Variants in TET3 observed in about 807,000 individuals in gnomAD.
TET3 encodes the protein methylcytosine dioxygenase TET3.
TET3 carries 19 observed loss-of-function variants against 141.4 expected under a neutral mutation model. That is an observed-to-expected ratio of 0.13 (90% CI 0.09 to 0.20). The LOEUF is 0.20. Ranked by LOEUF, TET3 falls within the 10% of genes least tolerant of loss-of-function variation. The pLI, the probability that TET3 is intolerant of heterozygous loss-of-function variation, is 1.00. For synonymous variants in TET3, 1,043 were observed against 980.9 expected, an observed-to-expected ratio of 1.06 and a Z score of -1.18; for missense variants, 1,874 against 2,356.9, an observed-to-expected ratio of 0.80 and a Z score of 4.24.
At chr2:74,075,862 A>G (rs1019506732) in intron 5 of TET3, among the ~76,000 whole-genome samples, 3 of 152,120 alleles carry the variant, frequency 2.0e-5, no homozygotes, top group African/African-American at 7.2e-5. Flanking sequence ...AGCTGTGTGC[A>G]GTGTTGTCGT....
chr2:74,024,743 T>C (rs1012000199), intron 3 of TET3, among the ~76,000 whole-genome samples: 4 of 152,186 alleles, frequency 2.6e-5, no homozygotes, highest in African/African-American at 9.6e-5. Flanking sequence ...AAGCCATAGA[T>C]ACCATACAGT....
chr2:74,038,423 G>C (rs115820927), intron 3 of TET3, among the ~76,000 whole-genome samples: 1 of 152,182 alleles, frequency 6.6e-6, no homozygotes, highest in East Asian at 1.9e-4. Flanking sequence ...CAGTGATATT[G>C]TGAAGCAGGG....
At chr2:74,122,546 C>T in the TET3 span, 1 of 92,420 alleles carries the variant, frequency 1.1e-5, no homozygotes, top group Middle Eastern at 0.013. Context: ...GATAGTCTTG[C>T]TCTGTTACCC....
chr2:74,031,138 G>T (rs868580086), intron 3 of TET3, among the ~76,000 whole-genome samples: 1 of 152,080 alleles, frequency 6.6e-6, no homozygotes, highest in Non-Finnish European at 1.5e-5. Context: ...GAGCGGTGGG[G>T]CCTTGATTGG....
intron 3 of TET3, among the ~76,000 whole-genome samples, chr2:74,007,726 G>C (rs1025329856): frequency 6.6e-6 from 1 of 152,212 alleles, no homozygotes; most frequent in African/African-American, 2.4e-5. Flanking sequence ...TTGGACTTCA[G>C]CTTTCTGGGT....
At position 74,104,317 on chromosome 2, in the gene TET3, C is replaced by A. The variant is rs907654498; in HGVS notation, c.*2141C>A. On this transcript the variant is annotated 3_prime_UTR_variant, in exon 12 of 12. Transcript: ENST00000409262. ...ATAAATACCCAAGAGCTTATCAGGACTTAGAATTATTCAGAACTCAGATTT... is the reference window on the plus strand; with the variant it reads ...ATAAATACCCAAGAGCTTATCAGGAATTAGAATTATTCAGAACTCAGATTT... The A allele has an allele frequency of 1.7e-4, 26 of 152,104 alleles. No homozygotes were observed. The highest frequency in any genetic ancestry group is 6.0e-4 in the African/African-American group (25 of 41,394). The allele number at this position is 152,104 out of a possible 1,614,324, so 9.4% of individuals were successfully genotyped here.
intron 10 of TET3, among the ~76,000 whole-genome samples, chr2:74,095,566 C>T (rs1287181580): frequency 1.3e-5 from 2 of 152,232 alleles, no homozygotes; most frequent in African/African-American, 4.8e-5. Context: ...GATGACCATC[C>T]ATTCAGACAC....
intron 3 of TET3, among the ~76,000 whole-genome samples, chr2:74,032,792 C>A (rs1218185863): frequency 6.6e-6 from 1 of 152,152 alleles, no homozygotes; most frequent in Admixed American, 6.5e-5. Flanking sequence ...CCTTCACCCC[C>A]ACCTGCTGCA....
At chr2:74,129,669 C>G in the TET3 span, among the ~76,000 whole-genome samples, 1 of 151,966 alleles carries the variant, frequency 6.6e-6, no homozygotes, top group African/African-American at 2.4e-5. Context: ...AAGGGCATTA[C>G]TTGAACATCA....
At chr2:74,061,594 G>T (rs1157663789) in intron 4 of TET3, among the ~76,000 whole-genome samples, 2 of 149,400 alleles carry the variant, frequency 1.3e-5, no homozygotes, top group African/African-American at 4.9e-5. Context: ...CGGGCGGGGG[G>T]CTGACCCCCC....
intron 2 of TET3, among the ~76,000 whole-genome samples, chr2:73,992,554 T>C (rs1268825360): frequency 1.3e-4 from 20 of 152,164 alleles, no homozygotes; most frequent in Admixed American, 1.3e-3. Context: ...CCTCAGGTGA[T>C]CTGCCCACCT....
In TET3 at chr2:74,100,629, C is replaced by T. The variant is rs1410097497; in HGVS notation, c.3841C>T (p.Leu1281Phe). 6.2e-7 allele frequency: 1 copy of T among 1,614,068 alleles called. No individual in the cohort carries two copies. Residue 1281 changes from leucine (L) to phenylalanine (F), a missense_variant, in exon 12 of 12, where the codon CTC becomes TTC. Physicochemically the swap from Leu to Phe is conservative, Grantham distance 22. Around this residue, in one of 10 missense-constraint regions of TET3, gnomAD observed 602 missense variants for 590.2 expected, o/e 1.02. Coordinates refer to ENST00000409262, the MANE Select transcript of TET3 (RefSeq NM_001287491.2). The part of the protein sequence containing the change: ...SVNGFHSKYA[L>F]PSFSYYGFPS... ...CAATGGCTTCCACTCCAAGTACGCT[C>T]TCCCGTCTTTTAGCTACTATGGCTT...
intron 3 of TET3, among the ~76,000 whole-genome samples, chr2:74,025,085 G>A (rs901809227): frequency 1.3e-5 from 2 of 151,376 alleles, no homozygotes; most frequent in East Asian, 2.0e-4. Context: ...TTAGCCGGGC[G>A]TGGTGGCGGG....
At chr2:74,011,993 C>G (rs1276314436) in intron 3 of TET3, among the ~76,000 whole-genome samples, 2 of 152,160 alleles carry the variant, frequency 1.3e-5, no homozygotes, top group African/African-American at 2.4e-5. Flanking sequence ...CAGGGTCTGG[C>G]CCTGCCGCCC....
chr2:74,058,981 T>C (rs575380459), intron 4 of TET3, among the ~76,000 whole-genome samples: 15 of 152,358 alleles, frequency 9.8e-5, no homozygotes, highest in Admixed American at 4.6e-4. Context: ...ATAGCCACTT[T>C]TGCACTACAG....
chr2:74,066,960 T>C (rs1688937588), intron 4 of TET3, among the ~76,000 whole-genome samples: 1 of 152,184 alleles, frequency 6.6e-6, no homozygotes, highest in Admixed American at 6.5e-5. Context: ...CTCCAGACAA[T>C]AGCAACTGGA....
chr2:74,074,350 A>C (rs964525733), intron 5 of TET3, among the ~76,000 whole-genome samples: 5 of 152,222 alleles, frequency 3.3e-5, no homozygotes, highest in Admixed American at 6.5e-5. Context: ...CTTATGTAGA[A>C]AGAGCTATGT....
In TET3 at chr2:74,046,342, AC is replaced by A; in HGVS notation, c.427del (p.His143MetfsTer7). On this transcript the variant is annotated frameshift_variant, in exon 4 of 12. Coordinates refer to ENST00000409262, the MANE Select transcript of TET3 (RefSeq NM_001287491.2). LOFTEE classifies it high-confidence loss of function. This position sits in a 1 kb window ranked among gnomAD's most constrained non-coding sequence, Gnocchi z 4.3. Reference sequence around the variant, plus strand: ...GGTCAGATGGACTCAGGGCCAGTGTACCATGGGGACTCACGGCAGCTAAGCG... The same window carrying A: ...GGTCAGATGGACTCAGGGCCAGTGTACATGGGGACTCACGGCAGCTAAGCG... ...VPGQMDSGPVYHGDSRQLSAS... is the reference protein window; with the variant it reads ...VPGQMDSGPVXHGDSRQLSAS... 3.9e-6 allele frequency: 6 copies of A among 1,526,498 alleles called. No homozygotes were observed. Among genetic ancestry groups the A allele is most frequent in the Non-Finnish European group, 5.3e-6 (6 of 1,140,540 alleles). The allele number at this position is 1,526,498 out of a possible 1,614,324, so 94.6% of individuals were successfully genotyped here. A position where few individuals can be genotyped will look rare whatever the true frequency, so the allele number is the denominator to read the frequency against.
chr2:74,016,165 C>G (rs891045246), intron 3 of TET3, among the ~76,000 whole-genome samples: 1 of 151,924 alleles, frequency 6.6e-6, no homozygotes, highest in African/African-American at 2.4e-5. Flanking sequence ...GCCAAGAGTT[C>G]TAGATCAGTG....
Sources: allele counts gnomAD v4.1 joint callset (sites outside exome capture counted in the v4.1 genomes callset), GRCh38; gene constraint gnomAD v4.1.1; regional missense constraint gnomAD v4.1.1; non-coding constraint Gnocchi (gnomAD v3.1); transcripts MANE v1.5; gene names NCBI Gene and HGNC (gene_info 2026-07-23, HGNC 2026-07-21).